RNF217: variants seen among roughly 807,000 people sequenced by gnomAD.
RNF217 encodes the protein ring finger protein 217, also known as E3 ubiquitin-protein ligase RNF217.
Under a neutral mutation model 57.8 loss-of-function variants are expected in RNF217, and 31 were observed. That is an observed-to-expected ratio of 0.54 (90% CI 0.40 to 0.72). The LOEUF (loss-of-function observed/expected upper bound fraction) is 0.72. Among genes scored for constraint, RNF217 ranks in the 30% least tolerant of loss-of-function variants. The probability of loss-of-function intolerance (pLI) is 0.00; values close to 1 mark genes in which losing one functional copy is unlikely to be tolerated. For missense variants in RNF217, 696 were observed against 708.3 expected, an observed-to-expected ratio of 0.98 and a Z score of 0.20; for synonymous variants, 313 against 294.0, an observed-to-expected ratio of 1.06 and a Z score of -0.66.
At chr6:124,967,501 G>GACC (rs1202858196) in intron 1 of RNF217, among the ~76,000 whole-genome samples, 1 of 152,204 alleles carries the variant, frequency 6.6e-6, no homozygotes, top group Non-Finnish European at 1.5e-5. Context: ...TGCTGAAGGT[G>GACC]ACAGCTGTTG....
In RNF217 at chr6:125,015,933, G is replaced by T. The variant is rs772795055; in HGVS notation, c.883-29278G>T. Among the ~76,000 whole-genome samples, 9 of 152,158 alleles carry T rather than the reference G, an allele frequency of 5.9e-5. No individual in the cohort carries two copies. In the South Asian group the frequency reaches 1.7e-3, roughly 28 times the overall value. On this transcript the variant is annotated intron_variant, in intron 1 of 5. Transcript: ENST00000521654. ...TTTCAGCAAAAAAAATTAAATTTTTGTTCACCAGCATAAGTAGATCTTAAA... is the reference window on the plus strand; with the variant it reads ...TTTCAGCAAAAAAAATTAAATTTTTTTTCACCAGCATAAGTAGATCTTAAA...
intron 3 of RNF217, among the ~76,000 whole-genome samples, chr6:125,076,165 T>C (rs543167931): frequency 1.3e-5 from 2 of 152,228 alleles, no homozygotes; most frequent in Non-Finnish European, 2.9e-5. Flanking sequence ...AATACATTTA[T>C]ATCTGCTATA....
intron 1 of RNF217, among the ~76,000 whole-genome samples, chr6:124,976,539 A>T (rs961789414): frequency 6.6e-6 from 1 of 151,804 alleles, no homozygotes; most frequent in African/African-American, 2.4e-5. Context: ...AAGTGCTGGG[A>T]TTATAGGTGT....
chr6:125,030,701 A>G (rs1028302228), intron 1 of RNF217, among the ~76,000 whole-genome samples: 3 of 152,106 alleles, frequency 2.0e-5, no homozygotes, highest in Non-Finnish European at 4.4e-5. Context: ...TTTGCAGGGT[A>G]CAGTCTCCCT....
At chr6:125,005,569 C>T (rs1291089757) in intron 1 of RNF217, among the ~76,000 whole-genome samples, 4 of 152,174 alleles carry the variant, frequency 2.6e-5, no homozygotes, top group Non-Finnish European at 5.9e-5. Context: ...CTTCCTATAA[C>T]AGCTCTTTAA....
intron 1 of RNF217, chr6:125,009,094 G>T (rs990489838): frequency 2.8e-6 from 2 of 719,780 alleles, no homozygotes; most frequent in African/African-American, 1.8e-5. Flanking sequence ...GTGCTTTCCT[G>T]AACAGACGTG....
intron 4 of RNF217, among the ~76,000 whole-genome samples, chr6:125,080,157 A>G (rs781182025): frequency 6.6e-6 from 1 of 152,132 alleles, no homozygotes. Flanking sequence ...CTTTTAAAAT[A>G]TATGTGCTTA....
rs1173005381 is a variant in RNF217, at chr6:125,084,555, G to C, written c.*1618G>C. ...GATAAAACATGCATTAACATGAGTA[G>C]TTTATTTTTGTTGGGCTCCAGAGTG... On this transcript the variant is annotated 3_prime_UTR_variant, in exon 6 of 6. Coordinates refer to ENST00000521654, the MANE Select transcript of RNF217 (RefSeq NM_001286398.3). The C allele has an allele frequency of 6.6e-6, 1 of 151,934 alleles. No individual in the cohort carries two copies. Among genetic ancestry groups the C allele is most frequent in the Non-Finnish European group, 1.5e-5 (1 of 67,880 alleles). The allele number at this position is 151,934 out of a possible 1,614,324, so 9.4% of individuals were successfully genotyped here. A position where few individuals can be genotyped will look rare whatever the true frequency, so the allele number is the denominator to read the frequency against.
At chr6:125,046,755 T>C in intron 2 of RNF217, 1 of 448,080 alleles carries the variant, frequency 2.2e-6, no homozygotes. Context: ...GGTAGTTTCC[T>C]CTGCTGTTGC....
intron 4 of RNF217, among the ~76,000 whole-genome samples, chr6:125,077,344 A>G (rs1047116607): frequency 6.6e-6 from 1 of 152,212 alleles, no homozygotes; most frequent in Non-Finnish European, 1.5e-5. Context: ...GATAAGTTGC[A>G]TATATTTTTC....
At chr6:125,002,927 G>A (rs1785044884) in intron 1 of RNF217, among the ~76,000 whole-genome samples, 1 of 152,134 alleles carries the variant, frequency 6.6e-6, no homozygotes, top group East Asian at 1.9e-4. Context: ...ATTATATCAT[G>A]TAAATCAGAG....
intron 1 of RNF217, among the ~76,000 whole-genome samples, chr6:124,982,706 C>T (rs1441800806): frequency 3.3e-5 from 5 of 152,136 alleles, no homozygotes; most frequent in Non-Finnish European, 7.3e-5. Flanking sequence ...TATGTGCCTA[C>T]CCTCTAAAGG....
chr6:125,062,739 G>T (rs1357925607), intron 3 of RNF217, among the ~76,000 whole-genome samples: 1 of 151,974 alleles, frequency 6.6e-6, no homozygotes, highest in Non-Finnish European at 1.5e-5. Context: ...ACCATGCCCG[G>T]CTAATTTTTG....
chr6:125,062,370 G>A (rs762537637), intron 3 of RNF217, among the ~76,000 whole-genome samples: 13 of 151,834 alleles, frequency 8.6e-5, no homozygotes, highest in Non-Finnish European at 1.9e-4. Flanking sequence ...TTGTATTTTG[G>A]CAGGTAATCA....
At chr6:125,075,907 T>C (rs1018563363) in intron 3 of RNF217, among the ~76,000 whole-genome samples, 2 of 152,134 alleles carry the variant, frequency 1.3e-5, no homozygotes, top group Non-Finnish European at 2.9e-5. Flanking sequence ...CACTGTATGT[T>C]ATATATGGTG....
At chr6:125,003,147 G>A (rs1582695478) in intron 1 of RNF217, among the ~76,000 whole-genome samples, 1 of 152,024 alleles carries the variant, frequency 6.6e-6, no homozygotes, top group South Asian at 2.1e-4. Flanking sequence ...CACCTTCAGA[G>A]TTGTAAGGGA....
chr6:124,963,450 C>A (rs976245265), intron 1 of RNF217, 24 bp downstream of exon 1: 2 of 1,441,894 alleles, frequency 1.4e-6, no homozygotes, highest in African/African-American at 2.9e-5. Context: ...CTTCTCTTCC[C>A]CATTTATCAT....
intron 1 of RNF217, among the ~76,000 whole-genome samples, chr6:125,043,675 A>C (rs1462342677): frequency 1.3e-5 from 2 of 152,104 alleles, no homozygotes; most frequent in African/African-American, 4.8e-5. Context: ...AGGCAGAACA[A>C]AATAATTGAT....
chr6:124,988,257 G>A (rs1324236053), intron 1 of RNF217, among the ~76,000 whole-genome samples: 1 of 152,126 alleles, frequency 6.6e-6, no homozygotes, highest in African/African-American at 2.4e-5. Flanking sequence ...CATGATACCA[G>A]TCCCTAGTGC....
Sources: gnomAD v4.1 joint callset for allele counts (sites outside exome capture counted in the v4.1 genomes callset) on GRCh38, gnomAD v4.1.1 for gene constraint, MANE v1.5 for transcripts, NCBI Gene and HGNC (gene_info 2026-07-23, HGNC 2026-07-21) for gene names.